The following RABL3 variants were observed in gnomAD, a reference collection of about 807,000 sequenced individuals.
RABL3 encodes the protein RAB, member of RAS oncogene family like 3.
Under a neutral mutation model 31.8 loss-of-function variants are expected in RABL3, and 31 were observed. The ratio of observed to expected loss-of-function variants is 0.97; its 90% CI spans 0.73 to 1.31. The LOEUF (loss-of-function observed/expected upper bound fraction) is 1.31, where lower values mean the gene tolerates loss of function less well. Ranked by LOEUF, RABL3 falls within the 40% of genes most tolerant of loss-of-function variation. The pLI, the probability that RABL3 is intolerant of heterozygous loss-of-function variation, is 0.00. For missense variants in RABL3, 263 were observed against 279.6 expected (o/e 0.94, Z 0.42); for synonymous variants, 97 against 99.9 (o/e 0.97, Z 0.18).
intron 6 of RABL3, 117 bp from the exon 7 acceptor site, chr3:120,690,604 C>A: frequency 1.5e-6 from 1 of 687,790 alleles, no homozygotes. Context: ...TTTTCCATAG[C>A]AGTAGACATG....
intron 2 of RABL3, among the ~76,000 whole-genome samples, chr3:120,714,281 CAA>C (rs2107585119): frequency 1.3e-5 from 2 of 152,128 alleles, no homozygotes; most frequent in African/African-American, 4.8e-5. Flanking sequence ...GAGTTGGTAA[CAA>C]AGAGAGAAGG....
chr3:120,735,753 C>T (rs77997539), intron 1 of RABL3, among the ~76,000 whole-genome samples: 11,016 of 152,134 alleles, frequency 0.072, 1,329 homozygotes, highest in East Asian at 0.47. Context: ...TGTCTTTGTT[C>T]CCATTGGTTT....
chr3:120,697,104 T>A (rs1411328282), intron 5 of RABL3, among the ~76,000 whole-genome samples: 1 of 152,216 alleles, frequency 6.6e-6, no homozygotes, highest in African/African-American at 2.4e-5. Flanking sequence ...TTATTCAAAA[T>A]TTTCCATAGG....
chr3:120,694,057 G>T, intron 6 of RABL3, 96 bp downstream of exon 6: 1 of 719,430 alleles, frequency 1.4e-6, no homozygotes, highest in Non-Finnish European at 2.3e-6. Flanking sequence ...GTGAAGTTTT[G>T]GACAAAAAAA....
intron 2 of RABL3, among the ~76,000 whole-genome samples, chr3:120,720,657 C>G (rs1708728126): frequency 6.6e-6 from 1 of 152,142 alleles, no homozygotes; most frequent in South Asian, 2.1e-4. Flanking sequence ...AAGAAAGGAA[C>G]AAAGCCTCCA....
intron 3 of RABL3, among the ~76,000 whole-genome samples, chr3:120,706,484 T>C (rs13077101): frequency 0.25 from 37,165 of 150,704 alleles, 5,460 homozygotes; most frequent in Middle Eastern, 0.39. Context: ...AAATTATTCA[T>C]TCAAAAAGTT....
chr3:120,707,724 G>T (rs1708567541), intron 3 of RABL3, among the ~76,000 whole-genome samples: 1 of 152,016 alleles, frequency 6.6e-6, no homozygotes, highest in African/African-American at 2.4e-5. Flanking sequence ...GGGAGTAAAA[G>T]AATTACAAAG....
chr3:120,707,909 G>T (rs186111361), intron 3 of RABL3, among the ~76,000 whole-genome samples: 1 of 152,214 alleles, frequency 6.6e-6, no homozygotes, highest in African/African-American at 2.4e-5. Context: ...GGGCTGAGAT[G>T]AAAGGAGTCA....
chr3:120,694,268 C>G, intron 5 of RABL3, 44 bp from the exon 6 acceptor site: 1 of 1,349,180 alleles, frequency 7.4e-7, no homozygotes, highest in Non-Finnish European at 1.1e-6. Context: ...GTTAGGAAAC[C>G]CAAGCTCGTT....
intron 2 of RABL3, among the ~76,000 whole-genome samples, chr3:120,728,405 G>C (rs1352063394): frequency 6.6e-6 from 1 of 152,152 alleles, no homozygotes; most frequent in Non-Finnish European, 1.5e-5. Context: ...AATTGACTCA[G>C]GAGGTGAGTG....
At chr3:120,734,942 T>C (rs1190323368) in intron 1 of RABL3, among the ~76,000 whole-genome samples, 2 of 152,224 alleles carry the variant, frequency 1.3e-5, no homozygotes, top group Admixed American at 6.5e-5. Context: ...TGGATTCGGT[T>C]TGCCAGTATT....
chr3:120,741,590 G>A (rs1378327541), intron 1 of RABL3, among the ~76,000 whole-genome samples: 1 of 152,170 alleles, frequency 6.6e-6, no homozygotes, highest in Non-Finnish European at 1.5e-5. Context: ...GATAAGGGCA[G>A]TGAGGTGGGA....
intron 6 of RABL3, among the ~76,000 whole-genome samples, chr3:120,693,059 T>A (rs557419343): frequency 6.6e-6 from 1 of 152,226 alleles, no homozygotes; most frequent in South Asian, 2.1e-4. Context: ...AATATTTGTA[T>A]AGCACACTGG....
At chr3:120,722,185 C>T (rs1708751266) in intron 2 of RABL3, 1 of 152,094 alleles carries the variant, frequency 6.6e-6, no homozygotes, top group Non-Finnish European at 1.5e-5. Context: ...TAATAATTTT[C>T]ATAACCTGAG....
At chr3:120,714,881 A>G (rs1052053973) in intron 2 of RABL3, among the ~76,000 whole-genome samples, 2 of 152,102 alleles carry the variant, frequency 1.3e-5, no homozygotes, top group Non-Finnish European at 2.9e-5. Flanking sequence ...AATATACCCC[A>G]ACCTTTTTCT....
At chr3:120,724,869 C>T (rs1708798113) in intron 2 of RABL3, among the ~76,000 whole-genome samples, 1 of 151,988 alleles carries the variant, frequency 6.6e-6, no homozygotes, top group Non-Finnish European at 1.5e-5. Context: ...CTAGGCAATA[C>T]CATTCAGGAC....
intron 1 of RABL3, 111 bp from the exon 2 acceptor site, chr3:120,730,898 A>G: frequency 1.4e-6 from 1 of 727,020 alleles, no homozygotes; most frequent in Non-Finnish European, 2.4e-6. Flanking sequence ...CATAGTTGTT[A>G]GAATGCCATA....
chr3:120,725,060 G>C (rs1215862364), intron 2 of RABL3, among the ~76,000 whole-genome samples: 1 of 151,594 alleles, frequency 6.6e-6, no homozygotes, highest in Non-Finnish European at 1.5e-5. Flanking sequence ...ATCTGACAAA[G>C]GGCTAATATC....
chr3:120,716,029 GAAGA>G (rs947864652), intron 2 of RABL3, among the ~76,000 whole-genome samples: 1 of 152,234 alleles, frequency 6.6e-6, no homozygotes, highest in African/African-American at 2.4e-5. Context: ...TATGCTTAGT[GAAGA>G]TAGAGACTAT....
Sources: allele counts gnomAD v4.1 joint callset (sites outside exome capture counted in the v4.1 genomes callset), GRCh38; gene constraint gnomAD v4.1.1; transcripts MANE v1.5; gene names NCBI Gene and HGNC (gene_info 2026-07-23, HGNC 2026-07-21).